Variants in ARHGAP6 observed in about 807,000 individuals in gnomAD.
ARHGAP6 encodes Rho GTPase activating protein 6, also known as rho GTPase-activating protein 6.
Under a neutral mutation model 55.7 loss-of-function variants are expected in ARHGAP6, and 16 were observed. The ratio of observed to expected loss-of-function variants is 0.29; its 90% CI spans 0.19 to 0.44. The LOEUF (loss-of-function observed/expected upper bound fraction) is 0.44, where lower values mean the gene tolerates loss of function less well. Ranked by LOEUF, ARHGAP6 falls within the 20% of genes least tolerant of loss-of-function variation. ARHGAP6 has a pLI of 1.00. For synonymous variants in ARHGAP6, 382 were observed against 360.9 expected (o/e 1.06, Z -0.66); for missense variants, 698 against 808.9 (o/e 0.86, Z 1.66).
intron 1 of ARHGAP6, among the ~76,000 whole-genome samples, chrX:11,431,189 G>T (rs1475525171): frequency 9.0e-6 from 1 of 111,726 alleles, no homozygotes; most frequent in Non-Finnish European, 1.9e-5. Flanking sequence ...TTTATCTGAT[G>T]TTTATCATTC....
chrX:11,156,826 C>T (rs2045871090), intron 9 of ARHGAP6, among the ~76,000 whole-genome samples, 200 bp from the exon 10 acceptor site: 1 of 112,481 alleles, frequency 8.9e-6, no homozygotes, highest in South Asian at 3.7e-4. Flanking sequence ...TACCAATAGT[C>T]ATATTCAATC....
intron 1 of ARHGAP6, among the ~76,000 whole-genome samples, chrX:11,310,114 T>C (rs1490691864): frequency 4.9e-5 from 5 of 102,615 alleles, no homozygotes; most frequent in Non-Finnish European, 7.8e-5. Flanking sequence ...TGAACTGTGA[T>C]TGTGCCACTG....
chrX:11,481,354 T>C (rs1394213119), intron 1 of ARHGAP6, among the ~76,000 whole-genome samples: 1 of 111,859 alleles, frequency 8.9e-6, no homozygotes, highest in African/African-American at 3.3e-5. Flanking sequence ...TTAATCCAAC[T>C]CCATATAATC....
At chrX:11,460,879 A>C (rs1326657258) in intron 1 of ARHGAP6, among the ~76,000 whole-genome samples, 1 of 112,073 alleles carries the variant, frequency 8.9e-6, no homozygotes, top group Non-Finnish European at 1.9e-5. Context: ...ACTCCACTCA[A>C]ATGAGCTTAT....
chrX:11,622,517 TG>T (rs1173546503), intron 1 of ARHGAP6, among the ~76,000 whole-genome samples: 1 of 111,100 alleles, frequency 9.0e-6, no homozygotes, highest in Non-Finnish European at 1.9e-5. Flanking sequence ...ACCAGGGGGT[TG>T]GGGGAAGATA....
chrX:11,625,151 T>C (rs750350383), intron 1 of ARHGAP6, among the ~76,000 whole-genome samples: 51 of 111,733 alleles, frequency 4.6e-4, no homozygotes, highest in African/African-American at 1.5e-3. Flanking sequence ...AGCAATTCTA[T>C]TGCTGGATAT....
At chrX:11,272,965 G>A (rs765859796) in intron 1 of ARHGAP6, among the ~76,000 whole-genome samples, 1 of 111,981 alleles carries the variant, frequency 8.9e-6, no homozygotes, top group African/African-American at 3.2e-5. Flanking sequence ...AGTATCCAAC[G>A]CTTTTAAGCC....
chrX:11,430,249 G>A (rs2049927967), intron 1 of ARHGAP6, among the ~76,000 whole-genome samples: 1 of 112,161 alleles, frequency 8.9e-6, no homozygotes, highest in African/African-American at 3.2e-5. Flanking sequence ...ATTCTTGTAA[G>A]CCAAAAATAC....
chrX:11,347,184 C>T (rs765096262), intron 1 of ARHGAP6, among the ~76,000 whole-genome samples: 2 of 112,312 alleles, frequency 1.8e-5, no homozygotes, highest in Non-Finnish European at 3.8e-5. Flanking sequence ...ATAGAAGTCA[C>T]AGCTGTACGC....
rs375340404 is a variant in ARHGAP6, at chrX:11,590,862, A to G, written c.588+73379T>C. ...AAAAGAAAAGAAAAGAAAAGAAAAG[A>G]AAAGAAGGAAAGAAAGAAAGAAAGA... On this transcript the variant is annotated intron_variant, in intron 1 of 12. Coordinates refer to ENST00000337414, the MANE Select transcript of ARHGAP6 (RefSeq NM_013427.3). Among the ~76,000 whole-genome samples, 94 of 20,179 alleles carry G rather than the reference A, an allele frequency of 4.7e-3. 14 individuals are homozygous for G. Among genetic ancestry groups the G allele is most frequent in the African/African-American group, 0.029 (79 of 2,741 alleles). The allele number at this position is 20,179 out of a possible 115,157, so 17.5% of individuals were successfully genotyped here. A position where few individuals can be genotyped will look rare whatever the true frequency, so the allele number is the denominator to read the frequency against.
intron 7 of ARHGAP6, among the ~76,000 whole-genome samples, chrX:11,178,952 G>A (rs776893658): frequency 8.9e-6 from 1 of 111,764 alleles, no homozygotes; most frequent in South Asian, 3.8e-4. Flanking sequence ...CTGGGTTCTC[G>A]TGGTTCCCTC....
chrX:11,322,236 G>T (rs2048441749), intron 1 of ARHGAP6, among the ~76,000 whole-genome samples: 1 of 112,002 alleles, frequency 8.9e-6, no homozygotes, highest in Admixed American at 9.5e-5. Flanking sequence ...ACTGTGGGAT[G>T]TTTAGCAGCA....
chrX:11,452,388 T>C (rs778828090), intron 1 of ARHGAP6, among the ~76,000 whole-genome samples: 1 of 111,619 alleles, frequency 9.0e-6, no homozygotes, highest in Admixed American at 9.5e-5. Context: ...CCTCAGGTGA[T>C]CCGCCCACCT....
intron 1 of ARHGAP6, among the ~76,000 whole-genome samples, chrX:11,658,596 T>C (rs1343283998): frequency 1.8e-5 from 2 of 109,078 alleles, no homozygotes; most frequent in African/African-American, 3.3e-5. Flanking sequence ...ATTATATATT[T>C]ACCATTCACT....
chrX:11,402,621 A>G (rs774617688), intron 1 of ARHGAP6, among the ~76,000 whole-genome samples: 2 of 111,932 alleles, frequency 1.8e-5, no homozygotes, highest in East Asian at 5.6e-4. Flanking sequence ...GCAATTTAAC[A>G]AACTCTGTAA....
At chrX:11,182,193 G>C (rs1034967358) in intron 5 of ARHGAP6, 75 bp from the exon 6 acceptor site, 2 of 897,611 alleles carry the variant, frequency 2.2e-6, no homozygotes, top group African/African-American at 4.0e-5. Context: ...ATACAGAGCA[G>C]AATGCCAGCA....
intron 1 of ARHGAP6, among the ~76,000 whole-genome samples, chrX:11,443,487 T>C: frequency 8.9e-6 from 1 of 111,942 alleles, no homozygotes. Flanking sequence ...CTTCTCAAAG[T>C]CTTTATACCA....
intron 1 of ARHGAP6, among the ~76,000 whole-genome samples, chrX:11,354,550 C>T (rs1477732533): frequency 1.8e-5 from 2 of 108,347 alleles, no homozygotes; most frequent in African/African-American, 6.7e-5. Context: ...AGAAGGATCC[C>T]CTGAGAGTTC....
intron 1 of ARHGAP6, among the ~76,000 whole-genome samples, chrX:11,595,733 G>A (rs1040974055): frequency 8.2e-5 from 9 of 110,212 alleles, no homozygotes; most frequent in Non-Finnish European, 1.5e-4. Flanking sequence ...TTTACAAGGG[G>A]AAAAAAAACC....
Sources: allele counts gnomAD v4.1 joint callset (sites outside exome capture counted in the v4.1 genomes callset), GRCh38; gene constraint gnomAD v4.1.1; transcripts MANE v1.5; gene names NCBI Gene and HGNC (gene_info 2026-07-23, HGNC 2026-07-21).